The following PTPDC1 variants were observed in gnomAD, a reference collection of about 807,000 sequenced individuals.
The protein encoded by PTPDC1 is protein tyrosine phosphatase domain-containing protein 1.
PTPDC1 carries 53 observed loss-of-function variants against 75.3 expected under a neutral mutation model. The ratio of observed to expected loss-of-function variants is 0.70; its 90% CI spans 0.56 to 0.88. The LOEUF (loss-of-function observed/expected upper bound fraction) is 0.88, where lower values mean the gene tolerates loss of function less well. PTPDC1 is among the 40% of genes least tolerant of loss of function. PTPDC1 has a pLI of 0.00. For missense variants in PTPDC1, 925 were observed against 998.6 expected, an observed-to-expected ratio of 0.93 and a Z score of 0.99; for synonymous variants, 349 against 366.2, an observed-to-expected ratio of 0.95 and a Z score of 0.54.
intron 2 of PTPDC1, among the ~76,000 whole-genome samples, chr9:94,070,950 A>G (rs968166777): frequency 6.6e-6 from 1 of 152,196 alleles, no homozygotes; most frequent in Non-Finnish European, 1.5e-5. Flanking sequence ...GTTTGGGGCT[A>G]TTATGAATAA....
chr9:94,060,832 C>A (rs1304013630), intron 1 of PTPDC1, among the ~76,000 whole-genome samples: 1 of 152,106 alleles, frequency 6.6e-6, no homozygotes, highest in Non-Finnish European at 1.5e-5. Context: ...CCACCAAGCC[C>A]CACCTTCAAC....
At chr9:94,102,438 C>G (rs1183661127) in intron 7 of PTPDC1, among the ~76,000 whole-genome samples, 1 of 151,670 alleles carries the variant, frequency 6.6e-6, no homozygotes, top group Non-Finnish European at 1.5e-5. Context: ...ATAGTGGTCA[C>G]CTTTAGGAAA....
intron 1 of PTPDC1, among the ~76,000 whole-genome samples, chr9:94,039,241 C>A (rs1216477656): frequency 6.6e-6 from 1 of 151,986 alleles, no homozygotes; most frequent in African/African-American, 2.4e-5. Context: ...TAAATTATCT[C>A]TGTTTGGAAA....
At chr9:94,068,982 T>G (rs1826417047) in intron 2 of PTPDC1, among the ~76,000 whole-genome samples, 1 of 152,160 alleles carries the variant, frequency 6.6e-6, no homozygotes, top group African/African-American at 2.4e-5. Flanking sequence ...CAATGTCCAT[T>G]TTACATGTCC....
At chr9:94,047,223 G>C (rs913989964) in intron 1 of PTPDC1, among the ~76,000 whole-genome samples, 1 of 152,128 alleles carries the variant, frequency 6.6e-6, no homozygotes, top group African/African-American at 2.4e-5. Flanking sequence ...TAAGCTTTTT[G>C]ATGTGCTGCT....
Position 94,098,385 on chromosome 9 carries a change from T to A in PTPDC1, c.1819T>A (p.Ser607Thr). 6.2e-7 allele frequency: 1 copy of A among 1,614,166 alleles called. No individual in the cohort carries two copies. Among genetic ancestry groups the A allele is most frequent in the Non-Finnish European group, 8.5e-7 (1 of 1,180,024 alleles). Residue 607 changes from serine (S) to threonine (T), a missense_variant, in exon 6 of 9, where the codon TCC (serine) becomes ACC (threonine). Physicochemically the swap from Ser to Thr is moderately conservative, Grantham distance 58. Transcript: ENST00000620992. The part of the protein sequence containing the change: ...RTPRSPLDCG[S>T]SPKAQFLVEH... ...ACCCCGAAGCCCTCTGGACTGTGGC[T>A]CCAGTCCCAAAGCACAGTTCTTGGT...
intron 1 of PTPDC1, among the ~76,000 whole-genome samples, chr9:94,052,781 T>C (rs1016536575): frequency 2.0e-5 from 3 of 152,206 alleles, no homozygotes; most frequent in Non-Finnish European, 4.4e-5. Flanking sequence ...TCATTGTCTT[T>C]GCATTTTTGT....
At chr9:94,078,980 C>A (rs555462617) in intron 2 of PTPDC1, among the ~76,000 whole-genome samples, 2 of 152,188 alleles carry the variant, frequency 1.3e-5, no homozygotes, top group Non-Finnish European at 2.9e-5. Context: ...GATGCCTGGC[C>A]TCTCTAACAG....
chr9:94,039,241 C>G (rs1216477656), intron 1 of PTPDC1, among the ~76,000 whole-genome samples: 1 of 151,986 alleles, frequency 6.6e-6, no homozygotes, highest in Non-Finnish European at 1.5e-5. Context: ...TAAATTATCT[C>G]TGTTTGGAAA....
chr9:94,030,901 T>C (rs915102575), exon 1 of PTPDC1: 2 of 152,170 alleles, frequency 1.3e-5, no homozygotes, highest in Non-Finnish European at 1.5e-5. Context: ...CGGGCTGGGC[T>C]GGGACCCCTC....
intron 2 of PTPDC1, among the ~76,000 whole-genome samples, chr9:94,068,398 A>T (rs915257860): frequency 1.3e-5 from 2 of 149,316 alleles, no homozygotes; most frequent in Non-Finnish European, 3.0e-5. Flanking sequence ...ATTATAGACA[A>T]TTTTTTTTTT....
At chr9:94,071,305 T>C (rs1479093522) in intron 2 of PTPDC1, among the ~76,000 whole-genome samples, 1 of 152,182 alleles carries the variant, frequency 6.6e-6, no homozygotes, top group Non-Finnish European at 1.5e-5. Flanking sequence ...CATCTGCATA[T>C]TCTCTTTTTA....
At chr9:94,035,774 A>G (rs1394481539) in intron 1 of PTPDC1, among the ~76,000 whole-genome samples, 1 of 152,284 alleles carries the variant, frequency 6.6e-6, no homozygotes, top group East Asian at 1.9e-4. Context: ...TAATGGCTAT[A>G]CCAATTTACA....
At chr9:94,045,881 GC>G (rs1825582661) in intron 1 of PTPDC1, among the ~76,000 whole-genome samples, 1 of 152,160 alleles carries the variant, frequency 6.6e-6, no homozygotes, top group Non-Finnish European at 1.5e-5. Context: ...GGCTTTTGTT[GC>G]CATTGCTTTT....
intron 1 of PTPDC1, among the ~76,000 whole-genome samples, chr9:94,059,014 A>G (rs112198126): frequency 4.6e-5 from 7 of 152,310 alleles, no homozygotes; most frequent in African/African-American, 1.7e-4. Flanking sequence ...AAACCCAGGA[A>G]AGTCTATATA....
chr9:94,070,496 T>C (rs1826477447), intron 2 of PTPDC1, among the ~76,000 whole-genome samples: 2 of 152,172 alleles, frequency 1.3e-5, no homozygotes, highest in African/African-American at 4.8e-5. Flanking sequence ...ATATAAGAAA[T>C]AATACAGAGG....
intron 2 of PTPDC1, among the ~76,000 whole-genome samples, chr9:94,068,878 A>G (rs1826413441): frequency 5.3e-5 from 8 of 152,050 alleles, no homozygotes; most frequent in Admixed American, 3.3e-4. Flanking sequence ...GTGGATTCCT[A>G]TTTTGTTCAG....
intron 1 of PTPDC1, among the ~76,000 whole-genome samples, chr9:94,061,958 GGAC>G (rs1196958841): frequency 6.6e-6 from 1 of 152,182 alleles, no homozygotes; most frequent in East Asian, 1.9e-4. Flanking sequence ...TCCTGTAAAT[GGAC>G]TTTTCTTTTC....
intron 1 of PTPDC1, among the ~76,000 whole-genome samples, chr9:94,041,927 G>A (rs915717273): frequency 6.6e-6 from 1 of 152,142 alleles, no homozygotes; most frequent in African/African-American, 2.4e-5. Context: ...GTGACCATAG[G>A]TAGGAACTAT....
Sources: allele counts gnomAD v4.1 joint callset (sites outside exome capture counted in the v4.1 genomes callset), GRCh38; gene constraint gnomAD v4.1.1; transcripts MANE v1.5; gene names NCBI Gene and HGNC (gene_info 2026-07-23, HGNC 2026-07-21).